Variants in SRCAP observed in about 807,000 individuals in gnomAD.
SRCAP encodes Snf2 related CREBBP activator protein, also known as chromatin remodeling protein SRCAP.
SRCAP carries 46 observed loss-of-function variants against 263.1 expected under a neutral mutation model. The ratio of observed to expected loss-of-function variants is 0.17; its 90% CI spans 0.14 to 0.22. The LOEUF (loss-of-function observed/expected upper bound fraction) is 0.22, where lower values mean the gene tolerates loss of function less well. Ranked by LOEUF, SRCAP falls within the 10% of genes least tolerant of loss-of-function variation. The pLI is 1.00. For synonymous variants in SRCAP, 1,813 were observed against 1,662.1 expected, an observed-to-expected ratio of 1.09 and a Z score of -2.21; for missense variants, 3,695 against 4,181.9, an observed-to-expected ratio of 0.88 and a Z score of 3.21.
chr16:30,738,820 C>T lies in SRCAP; in HGVS notation c.8780C>T (p.Pro2927Leu), dbSNP rs778392868. 4.3e-6 allele frequency: 7 copies of T among 1,613,868 alleles called. No homozygotes were observed. The South Asian group carries it at 6.6e-5, about 15-fold the overall frequency. The stretch of plus-strand genomic sequence containing the variant: ...CTTGGACCCCAGCCAGTTCACAGAC[C>T]CAATCCCCTCCTGTCACCTGTGGAG... ...QPLGPQPVHR[P>L]NPLLSPVEKR... Residue 2927 changes from proline (P) to leucine (L), a missense_variant, in exon 34 of 34, where the codon CCC becomes CTC. By Grantham distance (98) the Pro-to-Leu change is moderately conservative. Around this residue, in one of 12 missense-constraint regions of SRCAP, gnomAD observed 1,207 missense variants for 1,142.9 expected, o/e 1.06. Coordinates refer to ENST00000262518, the MANE Select transcript of SRCAP (RefSeq NM_006662.3).
At position 30,720,345 on chromosome 16, in the gene SRCAP, G is replaced by A. The variant is rs2052999450; in HGVS notation, c.2987+14G>A. On this transcript the variant is annotated intron_variant, in intron 19 of 33. Coordinates refer to ENST00000262518, the MANE Select transcript of SRCAP (RefSeq NM_006662.3). Reference sequence around the variant, plus strand: ...GAAGGTCAACAGGTACAAGGACTAAGGAATGAGGGGATGGTTCCTAGAATA... The same window carrying A: ...GAAGGTCAACAGGTACAAGGACTAAAGAATGAGGGGATGGTTCCTAGAATA... The A allele has an allele frequency of 1.2e-6, 2 of 1,600,920 alleles. No individual in the cohort carries two copies. Among genetic ancestry groups the A allele is most frequent in the South Asian group, 1.1e-5 (1 of 90,554 alleles).
intron 27 of SRCAP, 111 bp downstream of exon 27, chr16:30,729,683 T>C: frequency 5.3e-6 from 7 of 1,310,994 alleles, no homozygotes; most frequent in Non-Finnish European, 1.1e-6. Context: ...TCTGTAAAGC[T>C]TTAGATGGTT....
intron 18 of SRCAP, among the ~76,000 whole-genome samples, chr16:30,719,856 T>C (rs997655658): frequency 9.9e-5 from 15 of 152,144 alleles, no homozygotes; most frequent in Admixed American, 1.3e-4. Flanking sequence ...GTTTCTTAAA[T>C]GGGGTATATT....
intron 10 of SRCAP, 113 bp downstream of exon 10, chr16:30,711,201 C>G: frequency 3.8e-6 from 3 of 783,002 alleles, no homozygotes; most frequent in Non-Finnish European, 6.5e-6. Context: ...AATTCCATGT[C>G]TAATGACTAA....
intron 33 of SRCAP, 120 bp from the exon 34 acceptor site, chr16:30,736,929 T>G: frequency 1.7e-6 from 2 of 1,190,942 alleles, no homozygotes; most frequent in Non-Finnish European, 2.4e-6. Flanking sequence ...TGGCCTTAAC[T>G]TCCCCAAGTG....
intron 33 of SRCAP, among the ~76,000 whole-genome samples, 173 bp downstream of exon 33, chr16:30,736,797 C>T (rs754360748): frequency 3.9e-5 from 6 of 152,060 alleles, no homozygotes; most frequent in Admixed American, 6.6e-5. Flanking sequence ...ATCAGCCTCC[C>T]GAGAAGCTGG....
chr16:30,713,065 C>G, intron 14 of SRCAP, 143 bp from the exon 15 acceptor site: 1 of 1,028,118 alleles, frequency 9.7e-7, no homozygotes, highest in Admixed American at 2.4e-5. Context: ...CAGGCCCCTC[C>G]TCTTTCTGTC....
chr16:30,702,186 C>G (rs1567238927), intron 3 of SRCAP, among the ~76,000 whole-genome samples: 1 of 151,060 alleles, frequency 6.6e-6, no homozygotes, highest in Non-Finnish European at 1.5e-5. Flanking sequence ...TCTTTGACCT[C>G]GTGATCCCCG....
intron 18 of SRCAP, 130 bp downstream of exon 18, chr16:30,716,609 G>A (rs1351475759): frequency 1.2e-6 from 1 of 821,102 alleles, no homozygotes; most frequent in East Asian, 2.5e-5. Context: ...TAGTTTTATT[G>A]TACTCTAGCC....
At chr16:30,714,298 T>G (rs2052923264) in intron 16 of SRCAP, among the ~76,000 whole-genome samples, 2 of 151,912 alleles carry the variant, frequency 1.3e-5, no homozygotes. Flanking sequence ...TCTCCTGACC[T>G]CATGATCCGC....
intron 18 of SRCAP, among the ~76,000 whole-genome samples, chr16:30,717,438 C>T (rs939310005): frequency 6.6e-6 from 1 of 151,666 alleles, no homozygotes; most frequent in Non-Finnish European, 1.5e-5. Flanking sequence ...GATGCACAAA[C>T]ACTTGTTTTT....
At chr16:30,699,567 C>T (rs532950029) in intron 1 of SRCAP, among the ~76,000 whole-genome samples, 1 of 152,238 alleles carries the variant, frequency 6.6e-6, no homozygotes, top group South Asian at 2.1e-4. Context: ...CTCACTTCTG[C>T]GTTCAGCCCT....
intron 31 of SRCAP, among the ~76,000 whole-genome samples, chr16:30,735,090 A>G (rs995343738): frequency 4.6e-5 from 7 of 151,224 alleles, no homozygotes; most frequent in Admixed American, 2.6e-4. Flanking sequence ...ATGTGATTTT[A>G]TTATGTGTAA....
At chr16:30,717,487 C>T (rs1351408449) in intron 18 of SRCAP, among the ~76,000 whole-genome samples, 1 of 151,644 alleles carries the variant, frequency 6.6e-6, no homozygotes, top group Non-Finnish European at 1.5e-5. Flanking sequence ...ATCTCTGTCA[C>T]CCAGGCTAGA....
At position 30,723,572 on chromosome 16, in the gene SRCAP, C is replaced by G. The variant is rs551587037; in HGVS notation, c.4160-12C>G. The G allele has an allele frequency of 6.2e-7, 1 of 1,606,164 alleles. No individual in the cohort carries two copies. The highest frequency in any genetic ancestry group is 8.5e-7 in the Non-Finnish European group (1 of 1,175,486). Reference sequence around the variant, plus strand: ...AAGAATTCTGGGGCTAACTCATCCTCTCTCTCCACAGCTTCAGCCCCCGGA... The same window carrying G: ...AAGAATTCTGGGGCTAACTCATCCTGTCTCTCCACAGCTTCAGCCCCCGGA... On this transcript the variant is annotated splice_polypyrimidine_tract_variant and intron_variant, in intron 24 of 33. Transcript: ENST00000262518.
intron 3 of SRCAP, 45 bp from the exon 4 acceptor site, chr16:30,704,019 A>G (rs369716264): frequency 5.3e-5 from 84 of 1,575,800 alleles, no homozygotes; most frequent in South Asian, 1.2e-4. Context: ...AACACTCAGC[A>G]CAGTGCGAAG....
rs1034502093 is a variant in SRCAP at position 30,739,821 on chromosome 16, A to T, written c.*88A>T. The T allele has an allele frequency of 4.9e-6, 7 of 1,423,184 alleles. No homozygotes were observed. The highest frequency in any genetic ancestry group is 2.9e-5 in the African/African-American group (2 of 69,040). 88.2% of individuals were successfully genotyped at this position (1,423,184 alleles called of 1,614,324 possible). ...CTGTTAACCACTACTTGAAGTCTTG[A>T]GGGGGAAAGCCTCCAGGGAGACATA... On this transcript the variant is annotated 3_prime_UTR_variant, in exon 34 of 34. Coordinates refer to ENST00000262518, the MANE Select transcript of SRCAP (RefSeq NM_006662.3).
chr16:30,739,530 G>C lies in SRCAP; in HGVS notation c.9490G>C (p.Gly3164Arg), dbSNP rs773406365. The change falls in exon 34 of 34, where the codon GGG becomes CGG. Residue 3164 changes from glycine to arginine, a missense_variant. Physicochemically the swap from Gly to Arg is moderately radical, Grantham distance 125. This residue lies in a region of SRCAP where 1,207 missense variants were observed against 1,142.9 expected (regional missense o/e 1.06). Transcript: ENST00000262518. ...RGRLQPPSPL[G>R]PEGSVEESEA... ...CCGCCTACAGCCCCCAAGTCCCCTGGGGCCTGAGGGTTCAGTAGAGGAGTC... is the reference window on the plus strand; with the variant it reads ...CCGCCTACAGCCCCCAAGTCCCCTGCGGCCTGAGGGTTCAGTAGAGGAGTC... The C allele has an allele frequency of 6.2e-7, 1 of 1,611,770 alleles. No homozygotes were observed. Among genetic ancestry groups the C allele is most frequent in the Admixed American group, 1.7e-5 (1 of 59,710 alleles).
chr16:30,710,709 T>C, intron 8 of SRCAP, 45 bp from the exon 9 acceptor site: 2 of 1,595,374 alleles, frequency 1.3e-6, no homozygotes, highest in Non-Finnish European at 1.7e-6. Flanking sequence ...ATTCTTCTGC[T>C]ACTGTAACCT....
Sources: allele counts gnomAD v4.1 joint callset (sites outside exome capture counted in the v4.1 genomes callset), GRCh38; gene constraint gnomAD v4.1.1; regional missense constraint gnomAD v4.1.1; transcripts MANE v1.5; gene names NCBI Gene and HGNC (gene_info 2026-07-23, HGNC 2026-07-21).